The following GPHN variants were observed in gnomAD, a reference collection of about 807,000 sequenced individuals.
The protein encoded by GPHN is gephyrin.
In GPHN, 17 loss-of-function variants were observed where a neutral mutation model predicts 95.5. The ratio of observed to expected loss-of-function variants is 0.18; its 90% confidence interval spans 0.12 to 0.27. The LOEUF is 0.27. Among genes scored for constraint, GPHN ranks in the 10% least tolerant of loss-of-function variants. The pLI is 1.00. For synonymous variants in GPHN, 320 were observed against 322.5 expected, an observed-to-expected ratio of 0.99 and a Z score of 0.08; for missense variants, 660 against 978.1, an observed-to-expected ratio of 0.67 and a Z score of 4.34.
At chr14:67,641,670 T>C in the GPHN span, among the ~76,000 whole-genome samples, 1 of 152,214 alleles carries the variant, frequency 6.6e-6, no homozygotes, top group Non-Finnish European at 1.5e-5. Context: ...GCCAGGCAGG[T>C]GGCTCATGCC....
chr14:67,557,269 G>C, the GPHN span: 1 of 1,613,520 alleles, frequency 6.2e-7, no homozygotes. Context: ...TACTTTTCAG[G>C]TGGGTGTCAT....
intron 18 of GPHN, among the ~76,000 whole-genome samples, chr14:67,152,747 A>G (rs1194739968): frequency 6.7e-6 from 1 of 148,714 alleles, no homozygotes; most frequent in Non-Finnish European, 1.5e-5. Flanking sequence ...CGGGCAGATC[A>G]CGAGGTCAGG....
intron 2 of GPHN, among the ~76,000 whole-genome samples, chr14:66,702,026 A>G (rs902032300): frequency 2.6e-5 from 4 of 152,174 alleles, no homozygotes; most frequent in Non-Finnish European, 4.4e-5. Flanking sequence ...GCTGTGGCAG[A>G]CTGCGGCCAC....
intron 2 of GPHN, among the ~76,000 whole-genome samples, chr14:66,703,745 C>T (rs1400999578): frequency 1.3e-5 from 2 of 152,088 alleles, no homozygotes; most frequent in Non-Finnish European, 2.9e-5. Flanking sequence ...TGCAAAATAA[C>T]CAGGTAGCAT....
At chr14:67,365,068 A>C in the GPHN span, 14 of 1,485,448 alleles carry the variant, frequency 9.4e-6, no homozygotes, top group Non-Finnish European at 1.3e-5. Flanking sequence ...ATTTAAAAAT[A>C]CATTTTTTGT....
At chr14:66,894,972 T>C (rs555612452) in intron 5 of GPHN, among the ~76,000 whole-genome samples, 38 of 152,294 alleles carry the variant, frequency 2.5e-4, no homozygotes, top group Admixed American at 1.1e-3. Context: ...GATCTAGAAC[T>C]AGAAATACCA....
At chr14:67,115,024 C>T (rs2078596576) in intron 16 of GPHN, among the ~76,000 whole-genome samples, 1 of 152,072 alleles carries the variant, frequency 6.6e-6, no homozygotes, top group Non-Finnish European at 1.5e-5. Context: ...TGACTTATTC[C>T]CCTACTTTAA....
At chr14:67,460,366 A>T in the GPHN span, among the ~76,000 whole-genome samples, 1 of 152,118 alleles carries the variant, frequency 6.6e-6, no homozygotes, top group Non-Finnish European at 1.5e-5. Context: ...GTGAATTATA[A>T]CACTTGTCTT....
At chr14:67,282,667 A>C in the GPHN span, among the ~76,000 whole-genome samples, 1 of 152,268 alleles carries the variant, frequency 6.6e-6, no homozygotes, top group Middle Eastern at 3.4e-3. Context: ...TAGATTTCAA[A>C]TGAATAATTA....
chr14:67,201,554 G>A, the GPHN span: 2 of 455,606 alleles, frequency 4.4e-6, no homozygotes, highest in East Asian at 6.9e-5. Context: ...CAGGGTTGGA[G>A]GATACCTCCT....
the GPHN span, chr14:67,294,518 A>G: frequency 6.6e-6 from 1 of 152,192 alleles, no homozygotes; most frequent in Admixed American, 6.5e-5. Context: ...AACATTCAGA[A>G]GTATTCTTTG....
the GPHN span, among the ~76,000 whole-genome samples, chr14:67,394,347 G>C: frequency 6.6e-6 from 1 of 152,036 alleles, no homozygotes; most frequent in African/African-American, 2.4e-5. Context: ...AGTGAGCCAT[G>C]ATCGAGCCAC....
At chr14:67,546,191 A>G in the GPHN span, among the ~76,000 whole-genome samples, 7 of 152,164 alleles carry the variant, frequency 4.6e-5, no homozygotes, top group African/African-American at 1.4e-4. Flanking sequence ...TGTAGGGTCA[A>G]CGCCGGGGGA....
intron 1 of GPHN, among the ~76,000 whole-genome samples, chr14:66,673,640 C>A (rs2066424127): frequency 1.3e-5 from 2 of 152,254 alleles, no homozygotes; most frequent in East Asian, 3.9e-4. Context: ...TTAGATAAAT[C>A]AGGAAAAAGA....
the GPHN span, chr14:67,392,678 G>A: frequency 3.7e-6 from 6 of 1,613,832 alleles, no homozygotes; most frequent in South Asian, 1.1e-5. Flanking sequence ...GTACAGGGCT[G>A]TGGAGTCATC....
At chr14:67,243,889 T>C in the GPHN span, among the ~76,000 whole-genome samples, 152,301 of 152,310 alleles carry the variant, frequency 1, 76,146 homozygotes, top group Non-Finnish European at 1. Context: ...TCATTTTCCA[T>C]GAAAAAGAAA....
the GPHN span, among the ~76,000 whole-genome samples, chr14:67,542,279 T>C: frequency 6.6e-6 from 1 of 152,242 alleles, no homozygotes; most frequent in Admixed American, 6.5e-5. Flanking sequence ...GGAGAGGTTC[T>C]ATTATTCCCT....
chr14:67,442,397 T>C, the GPHN span, among the ~76,000 whole-genome samples: 12 of 152,308 alleles, frequency 7.9e-5, no homozygotes, highest in Admixed American at 2.0e-4. Flanking sequence ...TTTGGAGCTA[T>C]TGTCTTGAGT....
At chr14:67,453,316 G>A in the GPHN span, among the ~76,000 whole-genome samples, 3 of 152,158 alleles carry the variant, frequency 2.0e-5, no homozygotes, top group Admixed American at 2.0e-4. Context: ...CAGCCATTGT[G>A]CAAAGGAAGG....
Sources: allele counts gnomAD v4.1 joint callset (sites outside exome capture counted in the v4.1 genomes callset), GRCh38; gene constraint gnomAD v4.1.1; transcripts MANE v1.5; gene names NCBI Gene and HGNC (gene_info 2026-07-23, HGNC 2026-07-21).